The following ZNF589 variants were observed in gnomAD, a reference collection of about 807,000 sequenced individuals.
ZNF589 encodes the protein KRAB-zinc finger protein SZF1-1.
In ZNF589, 17 loss-of-function variants were observed where a neutral mutation model predicts 13.6. The observed-to-expected ratio is 1.25, with a 90% confidence interval of 0.86 to 1.88. ZNF589 has a LOEUF of 1.88. ZNF589 is among the 40% of genes most tolerant of loss of function. The pLI is 0.00. For synonymous variants in ZNF589, 148 were observed against 161.6 expected (o/e 0.92, Z 0.64); for missense variants, 407 against 434.0 (o/e 0.94, Z 0.55).
rs1162666235 is a variant in ZNF589 at position 48,241,151 on chromosome 3, C to T, written c.-21C>T. 3.7e-6 allele frequency: 6 copies of T among 1,600,398 alleles called. No homozygotes were observed. The highest frequency in any genetic ancestry group is 1.7e-5 in the Admixed American group (1 of 58,930). ...CACGGTGCTGCTACCTCGTTTGCTT[C>T]GTGCGTGCGTGCGCGCGCAGATGTG... On this transcript the variant is annotated 5_prime_UTR_variant, in exon 1 of 4. Transcript: ENST00000354698.
intron 2 of ZNF589, among the ~76,000 whole-genome samples, chr3:48,259,895 G>A (rs114558186): frequency 6.6e-6 from 1 of 150,586 alleles, no homozygotes; most frequent in African/African-American, 2.4e-5. Context: ...GTTCGGCCTG[G>A]GTGACAGAGT....
rs749606497 is a variant in ZNF589, at chr3:48,268,211, C to T, written c.520C>T (p.Pro174Ser). ...LVGFSSLFQRPPISSWGGNRI... is the reference protein window; with the variant it reads ...LVGFSSLFQRSPISSWGGNRI... ...GGGTTTCTCTAGCCTGTTCCAGAGA[C>T]CACCAATAAGCTCTTGGGGAGGCAA... Residue 174 changes from proline to serine, a missense_variant, in exon 4 of 4, where the codon CCA becomes TCA. Physicochemically the swap from Pro to Ser is moderately conservative, Grantham distance 74. Transcript: ENST00000354698. The T allele has an allele frequency of 6.2e-7, 1 of 1,607,384 alleles. No homozygotes were observed. The highest frequency in any genetic ancestry group is 8.5e-7 in the Non-Finnish European group (1 of 1,176,586).
chr3:48,243,271 A>G lies in ZNF589; in HGVS notation c.43+2057A>G, dbSNP rs1444292372. Among the ~76,000 whole-genome samples, 4 of 150,968 alleles carry G rather than the reference A, an allele frequency of 2.6e-5. No individual in the cohort carries two copies. In the East Asian group the frequency reaches 5.9e-4, roughly 22 times the overall value. On this transcript the variant is annotated intron_variant, in intron 1 of 3. Transcript: ENST00000354698. ...AGACCAGCCTGGGCAACATAGTGAG[A>G]CTTCATCTTTGTGTTAAAATTTTTT...
At chr3:48,243,027 C>T (rs1192504975) in intron 1 of ZNF589, among the ~76,000 whole-genome samples, 2 of 151,180 alleles carry the variant, frequency 1.3e-5, no homozygotes, top group African/African-American at 2.4e-5. Context: ...GAGCCGAGAT[C>T]GCATGACTGC....
intron 2 of ZNF589, among the ~76,000 whole-genome samples, chr3:48,250,044 C>G (rs2033820085): frequency 6.6e-6 from 1 of 151,724 alleles, no homozygotes; most frequent in Non-Finnish European, 1.5e-5. Context: ...AGGAGAATTA[C>G]TTGAGCTTGG....
chr3:48,269,154 G>C lies in ZNF589; in HGVS notation c.*368G>C. The C allele has an allele frequency of 1.2e-6, 1 of 850,914 alleles. No individual in the cohort carries two copies. The highest frequency in any genetic ancestry group is 1.8e-6 in the Non-Finnish European group (1 of 544,940). The allele number at this position is 850,914 out of a possible 1,614,324, so 52.7% of individuals were successfully genotyped here. On this transcript the variant is annotated 3_prime_UTR_variant, in exon 4 of 4. Transcript: ENST00000354698. ...AACTTTAGCCTCAAGTCCGCTCTTA[G>C]TGTACATCAGAGGATACACTCTGGG... is the stretch of plus-strand genomic sequence containing the variant.
chr3:48,246,541 T>G (rs2033767268), intron 1 of ZNF589, among the ~76,000 whole-genome samples: 1 of 152,214 alleles, frequency 6.6e-6, no homozygotes, highest in African/African-American at 2.4e-5. Flanking sequence ...AAGCCGTGGA[T>G]TCAAGTGATC....
In ZNF589 at chr3:48,268,670, A is replaced by G; in HGVS notation, c.979A>G (p.Thr327Ala). 2 of 1,613,386 alleles carry G rather than the reference A, an allele frequency of 1.2e-6. No individual in the cohort carries two copies. Among genetic ancestry groups the G allele is most frequent in the Non-Finnish European group, 1.7e-6 (2 of 1,179,852 alleles). The change falls in exon 4 of 4, where the codon ACA (threonine) becomes GCA (alanine). Residue 327 changes from threonine (T) to alanine (A), a missense_variant. Physicochemically the swap from Thr to Ala is moderately conservative, Grantham distance 58 (BLOSUM62 0). Coordinates refer to ENST00000354698, the MANE Select transcript of ZNF589 (RefSeq NM_016089.3). ...CCTCATCAGACATCAGAGGACACAC[A>G]CAAGGGAGAAATCGTTTATGTGCAC... Reference protein sequence around the residue: ...PYLIRHQRTHTREKSFMCTVC... With the variant: ...PYLIRHQRTHAREKSFMCTVC...
At chr3:48,242,803 G>A (rs1378380322) in intron 1 of ZNF589, among the ~76,000 whole-genome samples, 1 of 151,866 alleles carries the variant, frequency 6.6e-6, no homozygotes, top group Admixed American at 6.6e-5. Flanking sequence ...AGTGGCTCAC[G>A]CCTGTAATCC....
At chr3:48,256,649 C>T (rs2033906412) in intron 2 of ZNF589, 1 of 1,105,512 alleles carries the variant, frequency 9.0e-7, no homozygotes, top group Non-Finnish European at 1.4e-6. Flanking sequence ...CAGCATGCCT[C>T]CATGGGGCTG....
chr3:48,262,438 G>GC (rs2033977936), intron 3 of ZNF589, among the ~76,000 whole-genome samples: 1 of 152,052 alleles, frequency 6.6e-6, no homozygotes, highest in Non-Finnish European at 1.5e-5. Flanking sequence ...TGATCTGCCC[G>GC]CCTCAGCCTC....
chr3:48,252,370 T>A (rs2033847688), intron 2 of ZNF589, among the ~76,000 whole-genome samples: 1 of 151,712 alleles, frequency 6.6e-6, no homozygotes, highest in Non-Finnish European at 1.5e-5. Flanking sequence ...TTTTTGTATT[T>A]TTAGTAGAGA....
intron 3 of ZNF589, among the ~76,000 whole-genome samples, chr3:48,266,664 A>C (rs1183695971): frequency 6.6e-6 from 1 of 152,236 alleles, no homozygotes; most frequent in East Asian, 1.9e-4. Context: ...CGCCGTCACA[A>C]AAAAGTTCCT....
intron 1 of ZNF589, among the ~76,000 whole-genome samples, chr3:48,247,319 A>G (rs2033780126): frequency 6.6e-6 from 1 of 151,868 alleles, no homozygotes; most frequent in African/African-American, 2.4e-5. Context: ...GTCACATAAC[A>G]CATGGGGGGA....
intron 2 of ZNF589, among the ~76,000 whole-genome samples, chr3:48,259,936 A>T (rs1214937016): frequency 6.6e-6 from 1 of 151,314 alleles, no homozygotes. Flanking sequence ...AAAAAAAAAA[A>T]ATCTAGGGCA....
At chr3:48,248,325 G>T (rs1273643022) in intron 2 of ZNF589, among the ~76,000 whole-genome samples, 1 of 152,150 alleles carries the variant, frequency 6.6e-6, no homozygotes, top group African/African-American at 2.4e-5. Context: ...TTATGCACAG[G>T]GACACGTGGA....
intron 1 of ZNF589, among the ~76,000 whole-genome samples, chr3:48,246,946 G>A (rs912243150): frequency 1.3e-5 from 2 of 152,094 alleles, no homozygotes; most frequent in Admixed American, 1.3e-4. Flanking sequence ...AGGATTACAG[G>A]CGTGAGCCAC....
Position 48,268,669 on chromosome 3 carries a change from C to T in ZNF589, c.978C>T (p.His326=). ...KPYLIRHQRT[H]TREKSFMCTV... ...ACCTCATCAGACATCAGAGGACACA[C>T]ACAAGGGAGAAATCGTTTATGTGCA... The change falls in exon 4 of 4, where the codon CAC becomes CAT. Residue 326 remains histidine, a synonymous_variant. Coordinates refer to ENST00000354698, the MANE Select transcript of ZNF589 (RefSeq NM_016089.3). 6.2e-7 allele frequency: 1 copy of T among 1,613,494 alleles called. No individual in the cohort carries two copies. The highest frequency in any genetic ancestry group is 8.5e-7 in the Non-Finnish European group (1 of 1,179,916).
In ZNF589 at chr3:48,268,339, G is replaced by A. The variant is rs574615806; in HGVS notation, c.648G>A (p.Thr216=). The A allele has an allele frequency of 2.7e-5, 44 of 1,614,188 alleles. 1 individual carries two copies. The South Asian group carries it at 4.1e-4, about 15-fold the overall frequency. The change falls in exon 4 of 4, where the codon ACG becomes ACA. Residue 216 remains threonine (T), a synonymous_variant. Coordinates refer to ENST00000354698, the MANE Select transcript of ZNF589 (RefSeq NM_016089.3). The part of the protein sequence containing the change: ...RAETPGFGAV[T]FGECALAFNQ... ...AAACCCCAGGGTTTGGAGCAGTCAC[G>A]TTTGGGGAGTGTGCACTAGCTTTTA...
Sources: gnomAD v4.1 joint callset for allele counts (sites outside exome capture counted in the v4.1 genomes callset) on GRCh38, gnomAD v4.1.1 for gene constraint, MANE v1.5 for transcripts, NCBI Gene and HGNC (gene_info 2026-07-23, HGNC 2026-07-21) for gene names.